PSMB10: variants seen among roughly 807,000 people sequenced by gnomAD.
PSMB10 encodes the protein proteasome 20S subunit beta 10.
A neutral mutation model predicts 29.8 loss-of-function variants in PSMB10; 29 were observed. The observed-to-expected ratio is 0.97, with a 90% confidence interval of 0.73 to 1.33. The LOEUF (loss-of-function observed/expected upper bound fraction) is 1.33. Among genes scored for constraint, PSMB10 ranks in the 40% most tolerant of loss-of-function variants. The pLI is 0.00. For missense variants in PSMB10, 327 were observed against 369.2 expected (o/e 0.89, Z 0.94); for synonymous variants, 157 against 164.7 (o/e 0.95, Z 0.36).
Position 67,934,845 on chromosome 16 carries a change from C to A in PSMB10, c.662G>T (p.Gly221Val). The A allele has an allele frequency of 1.9e-6, 3 of 1,614,088 alleles. No homozygotes were observed. Among genetic ancestry groups the A allele is most frequent in the Non-Finnish European group, 2.5e-6 (3 of 1,180,014 alleles). The part of the protein sequence containing the change: ...NVDACVITKT[G>V]AKLLRTLSSP... Reference sequence around the variant, plus strand: ...GCTCAGTGTCCGCAGCAGCTTGGCGCCAGTCTTTGTGATCACACATGCGTC... The same window carrying A: ...GCTCAGTGTCCGCAGCAGCTTGGCGACAGTCTTTGTGATCACACATGCGTC... The change falls in exon 7 of 8, where the codon GGC (glycine) becomes GTC (valine). Residue 221 changes from glycine to valine, a missense_variant. Gly to Val is a moderately radical substitution (Grantham distance 109). Transcript: ENST00000358514. The surrounding 1 kb of genome is among the most constrained non-coding windows in gnomAD (Gnocchi z 4.3).
Position 67,936,698 on chromosome 16 carries a change from G to C in PSMB10, c.52C>G (p.Gln18Glu). ...CCCCCCGCGCCCCCGCTTCACCTTT[G>C]GCAGTTCTCGAAGGAGAAGCCCCCT... Reference protein sequence around the residue: ...PRGGFSFENCQRNASLERVLP... With the variant: ...PRGGFSFENCERNASLERVLP... The change falls in exon 1 of 8, where the codon CAA becomes GAA. Residue 18 changes from glutamine to glutamate, a missense_variant. Gln to Glu is a conservative substitution (Grantham distance 29). Transcript: ENST00000358514. The C allele has an allele frequency of 6.4e-7, 1 of 1,554,034 alleles. No individual in the cohort carries two copies. Among genetic ancestry groups the C allele is most frequent in the South Asian group, 1.2e-5 (1 of 84,590 alleles).
Position 67,935,660 on chromosome 16 carries a change from C to T in PSMB10, c.421G>A (p.Gly141Ser). The T allele has an allele frequency of 1.2e-6, 2 of 1,614,150 alleles. No homozygotes were observed. The highest frequency in any genetic ancestry group is 1.7e-6 in the Non-Finnish European group (2 of 1,180,036). The stretch of plus-strand genomic sequence containing the variant: ...AGCTGCGGTCCAGTCAGGTCTACGC[C>T]GCCCACGATCAGCGATGCACCCACG... Reference protein sequence around the residue: ...GHVGASLIVGGVDLTGPQLYG... With the variant: ...GHVGASLIVGSVDLTGPQLYG... The change falls in exon 5 of 8, where the codon GGC becomes AGC. Residue 141 changes from glycine (G) to serine (S), a missense_variant. Coordinates refer to ENST00000358514, the MANE Select transcript of PSMB10 (RefSeq NM_002801.4).
In PSMB10 at chr16:67,935,612, A is replaced by C; in HGVS notation, c.469T>G (p.Ser157Ala). The C allele has an allele frequency of 6.2e-7, 1 of 1,614,196 alleles. No homozygotes were observed. Residue 157 changes from serine to alanine, a missense_variant, in exon 5 of 8, where the codon TCC becomes GCC. By Grantham distance (99) the Ser-to-Ala change is moderately conservative. Transcript: ENST00000358514. ...PQLYGVHPHGSYSRLPFTALG... is the reference protein window; with the variant it reads ...PQLYGVHPHGAYSRLPFTALG... Reference sequence around the variant, plus strand: ...GCTGTGAAGGGCAGACGGCTGTAGGAGCCATGGGGATGCACACCGTAGAGC... The same window carrying C: ...GCTGTGAAGGGCAGACGGCTGTAGGCGCCATGGGGATGCACACCGTAGAGC...
chr16:67,934,578 C>T lies in PSMB10; in HGVS notation c.804G>A (p.Gln268=), dbSNP rs1238221672. 1 of 1,614,146 alleles carries T rather than the reference C, an allele frequency of 6.2e-7. No homozygotes were observed. The highest frequency in any genetic ancestry group is 8.5e-7 in the Non-Finnish European group (1 of 1,179,990). ...CCTCAGCTTACTCCACCTCCATAGC[C>T]TGCACAGTTTCCTCCACTAGCTCCA... The part of the protein sequence containing the change: ...LTLELVEETV[Q]AMEVE Residue 268 remains glutamine (Q), a synonymous_variant, in exon 8 of 8, where the codon CAG becomes CAA. Transcript: ENST00000358514. This position sits in a 1 kb window ranked among gnomAD's most constrained non-coding sequence, Gnocchi z 4.3.
chr16:67,935,231 G>C (rs556626646), intron 6 of PSMB10, 189 bp downstream of exon 6: 6 of 759,890 alleles, frequency 7.9e-6, no homozygotes, highest in Admixed American at 5.6e-5. Context: ...TCTCCCAGCC[G>C]TGCAGGCTTT....
At position 67,934,588 on chromosome 16, in the gene PSMB10, TC is replaced by T; in HGVS notation, c.793del (p.Glu265LysfsTer21). Reference sequence around the variant, plus strand: ...CTCCACCTCCATAGCCTGCACAGTTTCCTCCACTAGCTCCAGGGTTAGTGGC... The same window carrying T: ...CTCCACCTCCATAGCCTGCACAGTTTCTCCACTAGCTCCAGGGTTAGTGGC... ...VKPLTLELVEETVQAMEVE is the reference protein window; with the variant it reads ...VKPLTLELVEXTVQAMEVE On this transcript the variant is annotated frameshift_variant, in exon 8 of 8. Coordinates refer to ENST00000358514, the MANE Select transcript of PSMB10 (RefSeq NM_002801.4). LOFTEE classifies it high-confidence loss of function. The surrounding 1 kb of genome is among the most constrained non-coding windows in gnomAD (Gnocchi z 4.3). 1 of 1,614,142 alleles carries T rather than the reference TC, an allele frequency of 6.2e-7. No homozygotes were observed. The highest frequency in any genetic ancestry group is 1.1e-5 in the South Asian group (1 of 91,078).
At position 67,934,687 on chromosome 16, in the gene PSMB10, GA is replaced by G; in HGVS notation, c.711-17del. 6.2e-7 allele frequency: 1 copy of G among 1,613,784 alleles called. No homozygotes were observed. The highest frequency in any genetic ancestry group is 2.2e-5 in the East Asian group (1 of 44,882). The stretch of plus-strand genomic sequence containing the variant: ...GCGGCCAGACCTGGGAGGGAGGAGG[GA>G]CAGCCTCTGAACATGGGCCTGTCAT... On this transcript the variant is annotated splice_polypyrimidine_tract_variant and intron_variant, in intron 7 of 7. Coordinates refer to ENST00000358514, the MANE Select transcript of PSMB10 (RefSeq NM_002801.4). The surrounding 1 kb of genome is among the most constrained non-coding windows in gnomAD (Gnocchi z 4.3).
intron 1 of PSMB10, 103 bp downstream of exon 1, chr16:67,936,591 C>T (rs2058265186): frequency 1.4e-6 from 2 of 1,450,680 alleles, no homozygotes; most frequent in Non-Finnish European, 9.3e-7. Context: ...AAGCCTGGAA[C>T]CCAAGTCGAC....
Position 67,936,775 on chromosome 16 carries a change from G to T in PSMB10, c.-26C>A. On this transcript the variant is annotated 5_prime_UTR_variant, in exon 1 of 8. Coordinates refer to ENST00000358514, the MANE Select transcript of PSMB10 (RefSeq NM_002801.4). Reference sequence around the variant, plus strand: ...CTTGGGGCAGGCAGAGGGGATTAGGGGTCGCGGGCGGATGAGTCGGCCAGA... The same window carrying T: ...CTTGGGGCAGGCAGAGGGGATTAGGTGTCGCGGGCGGATGAGTCGGCCAGA... 6.5e-7 allele frequency: 1 copy of T among 1,546,834 alleles called. No homozygotes were observed.
chr16:67,935,926 T>G (rs1257110667), intron 4 of PSMB10, 37 bp downstream of exon 4: 7 of 1,589,702 alleles, frequency 4.4e-6, no homozygotes, highest in African/African-American at 2.7e-5. Context: ...ACCCCGTAAC[T>G]ACCCCTGCCG....
At chr16:67,936,373 C>T (rs1225268179) in intron 2 of PSMB10, 25 bp downstream of exon 2, 1 of 1,610,924 alleles carries the variant, frequency 6.2e-7, no homozygotes, top group East Asian at 2.2e-5. Context: ...TCCCCTCCAG[C>T]TCCCCGTCCC....
intron 6 of PSMB10, 133 bp from the exon 7 acceptor site, chr16:67,935,081 C>A: frequency 8.3e-7 from 1 of 1,207,078 alleles, no homozygotes; most frequent in Non-Finnish European, 1.1e-6. Flanking sequence ...TCCCTCTGAG[C>A]CTTAGCCACC....
At position 67,935,452 on chromosome 16, in the gene PSMB10, C is replaced by T. The variant is rs768804473; in HGVS notation, c.526G>A (p.Val176Met). Residue 176 changes from valine (V) to methionine (M), a missense_variant, in exon 6 of 8, where the codon GTG becomes ATG. Transcript: ENST00000358514. Reference sequence around the variant, plus strand: ...TTCGGCTGGAACCGGTCTTCTAGCACCGCCAGGGCCGCGTCCTGACCAGAG... The same window carrying T: ...TTCGGCTGGAACCGGTCTTCTAGCATCGCCAGGGCCGCGTCCTGACCAGAG... ...LGSGQDAALA[V>M]LEDRFQPNMT... 1.2e-6 allele frequency: 2 copies of T among 1,614,158 alleles called. No homozygotes were observed. The highest frequency in any genetic ancestry group is 2.2e-5 in the South Asian group (2 of 91,088).
rs749510181 is a variant in PSMB10, at chr16:67,935,450, C to T, written c.528G>A (p.Val176=). 1.2e-6 allele frequency: 2 copies of T among 1,614,046 alleles called. No homozygotes were observed. The highest frequency in any genetic ancestry group is 2.7e-5 in the African/African-American group (2 of 74,944). ...LGSGQDAALA[V]LEDRFQPNMT... ...TGTTCGGCTGGAACCGGTCTTCTAG[C>T]ACCGCCAGGGCCGCGTCCTGACCAG... The change falls in exon 6 of 8, where the codon GTG becomes GTA. Residue 176 remains valine, a synonymous_variant. Coordinates refer to ENST00000358514, the MANE Select transcript of PSMB10 (RefSeq NM_002801.4).
In PSMB10 at chr16:67,936,467, G is replaced by T; in HGVS notation, c.75C>A (p.Arg25=). Reference sequence around the variant, plus strand: ...GAGGGACCTTGAGCCCCGGGAGGACGCGTTCCAATGATGCATTTCTGGAAA... The same window carrying T: ...GAGGGACCTTGAGCCCCGGGAGGACTCGTTCCAATGATGCATTTCTGGAAA... ...ENCQRNASLE[R]VLPGLKVPHA... is the part of the protein sequence containing the mutation. Residue 25 remains arginine (R), a synonymous_variant, in exon 2 of 8, where the codon CGC becomes CGA. Coordinates refer to ENST00000358514, the MANE Select transcript of PSMB10 (RefSeq NM_002801.4). 2 of 1,613,272 alleles carry T rather than the reference G, an allele frequency of 1.2e-6. No homozygotes were observed. Among genetic ancestry groups the T allele is most frequent in the Non-Finnish European group, 1.7e-6 (2 of 1,179,844 alleles).
Position 67,936,267 on chromosome 16 carries a change from C to G in PSMB10, c.190G>C (p.Val64Leu). 2.5e-6 allele frequency: 4 copies of G among 1,614,036 alleles called. No homozygotes were observed. Among genetic ancestry groups the G allele is most frequent in the Non-Finnish European group, 3.4e-6 (4 of 1,180,006 alleles). Residue 64 changes from valine to leucine, a missense_variant, in exon 3 of 8, where the codon GTC (valine) becomes CTC (leucine). By Grantham distance (32) the Val-to-Leu change is conservative (BLOSUM62 1). Coordinates refer to ENST00000358514, the MANE Select transcript of PSMB10 (RefSeq NM_002801.4). ...TTCTCGCAGCTCTTGTCCGCCACGA[C>G]CGAATCGTTAGTGGCTCGCGTATCG... ...GADTRATNDS[V>L]VADKSCEKIH...
Position 67,935,958 on chromosome 16 carries a change from C to T in PSMB10, c.383+5G>A, listed in dbSNP as rs200453196. The T allele has an allele frequency of 6.2e-4, 992 of 1,606,368 alleles. 7 individuals carry two copies. The African/African-American group carries it at 0.012, about 19-fold the overall frequency. On this transcript the variant is annotated splice_donor_5th_base_variant and intron_variant, in intron 4 of 7. Coordinates refer to ENST00000358514, the MANE Select transcript of PSMB10 (RefSeq NM_002801.4). ...GCCGGGGTCCTGTTAGCCCTGCCCC[C>T]GCACCTGAAGAGCGTCTGGCGCAGG...
rs776609109 is a variant in PSMB10, at chr16:67,936,774, G to A, written c.-25C>T. On this transcript the variant is annotated 5_prime_UTR_variant, in exon 1 of 8. Transcript: ENST00000358514. The stretch of plus-strand genomic sequence containing the variant: ...TCTTGGGGCAGGCAGAGGGGATTAG[G>A]GGTCGCGGGCGGATGAGTCGGCCAG... 3.0e-5 allele frequency: 46 copies of A among 1,548,754 alleles called. No homozygotes were observed. The highest frequency in any genetic ancestry group is 3.7e-5 in the Non-Finnish European group (42 of 1,145,870).
At position 67,935,646 on chromosome 16, in the gene PSMB10, A is replaced by G; in HGVS notation, c.435T>C (p.Thr145=). The G allele has an allele frequency of 1.2e-6, 2 of 1,614,152 alleles. No individual in the cohort carries two copies. Among genetic ancestry groups the G allele is most frequent in the Admixed American group, 1.7e-5 (1 of 60,018 alleles). ...GATGCACACCGTAGAGCTGCGGTCC[A>G]GTCAGGTCTACGCCGCCCACGATCA... is the stretch of plus-strand genomic sequence containing the variant. ...ASLIVGGVDL[T]GPQLYGVHPH... is the part of the protein sequence containing the mutation. The change falls in exon 5 of 8, where the codon ACT becomes ACC. Residue 145 remains threonine, a synonymous_variant. Coordinates refer to ENST00000358514, the MANE Select transcript of PSMB10 (RefSeq NM_002801.4).
Sources: gnomAD v4.1 joint callset for allele counts on GRCh38, gnomAD v4.1.1 for gene constraint, Gnocchi (gnomAD v3.1) non-coding constraint, MANE v1.5 for transcripts, NCBI Gene and HGNC (gene_info 2026-07-23, HGNC 2026-07-21) for gene names.